KCNK2: variants seen among roughly 807,000 people sequenced by gnomAD.
KCNK2 encodes the protein potassium channel subfamily K member 2.
KCNK2 carries 21 observed loss-of-function variants against 40.5 expected under a neutral mutation model. The ratio of observed to expected loss-of-function variants is 0.52; its 90% CI spans 0.37 to 0.75. The LOEUF (loss-of-function observed/expected upper bound fraction) is 0.75. Ranked by LOEUF, KCNK2 falls within the 30% of genes least tolerant of loss-of-function variation. The pLI is 0.00. For missense variants in KCNK2, 399 were observed against 531.6 expected, an observed-to-expected ratio of 0.75 and a Z score of 2.45; for synonymous variants, 191 against 202.2, an observed-to-expected ratio of 0.94 and a Z score of 0.47.
chr1:215,007,161 GTATA>G (rs1192422828), intron 1 of KCNK2, among the ~76,000 whole-genome samples: 1 of 88,586 alleles, frequency 1.1e-5, no homozygotes, highest in Non-Finnish European at 2.2e-5. Flanking sequence ...ATATATGTAT[GTATA>G]TATATATGTA....
intron 6 of KCNK2, among the ~76,000 whole-genome samples, chr1:215,232,407 A>G (rs1417083744): frequency 6.6e-6 from 1 of 152,214 alleles, no homozygotes; most frequent in Non-Finnish European, 1.5e-5. Context: ...AGAGGCAGAA[A>G]GTAAGATTAG....
Position 215,083,088 on chromosome 1 carries a change from G to GCC in KCNK2, c.-298_-297insCC. On this transcript the variant is annotated 5_prime_UTR_variant, in exon 1 of 7. Transcript: ENST00000444842. ...TCCGGGTGACCCGGGCCCGGCAGCA[G>GCC]GCGCGCGCGGGGGCGGCGGCGCCCA... The GCC allele has an allele frequency of 2.3e-6, 1 of 439,108 alleles. No homozygotes were observed. Among genetic ancestry groups the GCC allele is most frequent in the Non-Finnish European group, 3.9e-6 (1 of 253,282 alleles). The allele number at this position is 439,108 out of a possible 1,614,324, so 27.2% of individuals were successfully genotyped here.
chr1:215,135,299 A>G (rs1011946749), intron 3 of KCNK2, among the ~76,000 whole-genome samples: 2 of 152,104 alleles, frequency 1.3e-5, no homozygotes, highest in Admixed American at 6.6e-5. Flanking sequence ...TCACAGTTCT[A>G]TTATCCTTAA....
At chr1:215,164,081 C>G (rs1324943150) in intron 3 of KCNK2, among the ~76,000 whole-genome samples, 1 of 152,152 alleles carries the variant, frequency 6.6e-6, no homozygotes, top group African/African-American at 2.4e-5. Flanking sequence ...CTATTAATCA[C>G]TGCCTCAATT....
At chr1:215,067,680 A>G (rs1332619657) in intron 1 of KCNK2, among the ~76,000 whole-genome samples, 2 of 152,094 alleles carry the variant, frequency 1.3e-5, no homozygotes, top group East Asian at 1.9e-4. Flanking sequence ...TCTGGCCAAC[A>G]TGGTGAAACC....
rs2102525815 is a variant in KCNK2, at chr1:215,083,179, C to A, written c.-207C>A. 9.0e-7 allele frequency: 1 copy of A among 1,117,200 alleles called. No homozygotes were observed. The highest frequency in any genetic ancestry group is 1.3e-6 in the Non-Finnish European group (1 of 772,574). 69.2% of individuals were successfully genotyped at this position (1,117,200 alleles called of 1,614,324 possible). On this transcript the variant is annotated 5_prime_UTR_variant, in exon 1 of 7. Coordinates refer to ENST00000444842, the MANE Select transcript of KCNK2 (RefSeq NM_001017425.3). ...CGGTGTCCCCTCCTTCCCGCGATTT[C>A]GTTTCTTCTCACGCTCCCCCCCCCG...
rs549117424 is a variant in KCNK2 at position 215,200,107 on chromosome 1, G to A, written c.963+5015G>A. 6.6e-5 allele frequency among the ~76,000 whole-genome samples: 10 copies of A among 152,262 alleles called. No homozygotes were observed. The South Asian group carries it at 1.2e-3, about 19-fold the overall frequency. ...TACCAATATCATTTCCTTAGTCTCCGGAGATGTTTATGCAAATAGAGGCTC... is the reference window on the plus strand; with the variant it reads ...TACCAATATCATTTCCTTAGTCTCCAGAGATGTTTATGCAAATAGAGGCTC... On this transcript the variant is annotated intron_variant, in intron 6 of 6. Transcript: ENST00000444842.
intron 1 of KCNK2, among the ~76,000 whole-genome samples, chr1:215,056,202 G>A (rs898815782): frequency 1.1e-4 from 16 of 150,858 alleles, no homozygotes; most frequent in Admixed American, 2.0e-4. Flanking sequence ...TAGCTACTCA[G>A]GAAGCTGAGG....
chr1:215,212,948 A>G (rs1332618726), intron 6 of KCNK2, among the ~76,000 whole-genome samples: 1 of 152,180 alleles, frequency 6.6e-6, no homozygotes, highest in Non-Finnish European at 1.5e-5. Context: ...TGGCACTTGA[A>G]TGCTAATGTG....
rs71556634 is a variant in KCNK2 at position 215,236,098 on chromosome 1, A to ATCTATCTATCT, written c.*953_*954insTCTATCTATCT. ...TATCTATCTATCTATCTATCTATCT[A>ATCTATCTATCT]AATGACCTGACAGAAGAAAACTGTT... On this transcript the variant is annotated 3_prime_UTR_variant, in exon 7 of 7. Transcript: ENST00000444842. 6.6e-6 allele frequency: 1 copy of ATCTATCTATCT among 151,068 alleles called. No individual in the cohort carries two copies. Among genetic ancestry groups the ATCTATCTATCT allele is most frequent in the African/African-American group, 2.5e-5 (1 of 40,578 alleles). The allele number at this position is 151,068 out of a possible 1,614,324, so 9.4% of individuals were successfully genotyped here.
At chr1:215,233,486 ACAC>A (rs1247356351) in intron 6 of KCNK2, among the ~76,000 whole-genome samples, 1 of 152,096 alleles carries the variant, frequency 6.6e-6, no homozygotes, top group Non-Finnish European at 1.5e-5. Context: ...GTACACACAC[ACAC>A]ATTTATATCT....
intron 1 of KCNK2, among the ~76,000 whole-genome samples, chr1:215,033,276 T>C (rs1489910889): frequency 6.6e-6 from 1 of 152,044 alleles, no homozygotes; most frequent in African/African-American, 2.4e-5. Context: ...TCTTACATGG[T>C]GTCTACTTCA....
intron 3 of KCNK2, among the ~76,000 whole-genome samples, chr1:215,158,766 A>T (rs953921030): frequency 6.6e-6 from 1 of 152,142 alleles, no homozygotes; most frequent in Admixed American, 6.5e-5. Context: ...GATAACTCAG[A>T]CGCCTGCCCT....
intron 6 of KCNK2, 110 bp downstream of exon 6, chr1:215,195,202 A>AAT: frequency 2.2e-6 from 2 of 895,096 alleles, no homozygotes; most frequent in Non-Finnish European, 3.2e-6. Context: ...TAAAATGTTA[A>AAT]TATTTTCTAT....
chr1:215,188,437 A>G lies in KCNK2; in HGVS notation c.824-6516A>G, dbSNP rs565047202. 2.0e-5 allele frequency among the ~76,000 whole-genome samples: 3 copies of G among 152,292 alleles called. No individual in the cohort carries two copies. In the East Asian group the frequency reaches 5.8e-4, roughly 29 times the overall value. ...CAGTCTTCTTGGAATTACATTTTCA[A>G]AGTCATTATTGGAAATGTAATTTTT... is the stretch of plus-strand genomic sequence containing the variant. On this transcript the variant is annotated intron_variant, in intron 5 of 6. Coordinates refer to ENST00000444842, the MANE Select transcript of KCNK2 (RefSeq NM_001017425.3).
chr1:215,137,485 T>C (rs946589594), intron 3 of KCNK2, among the ~76,000 whole-genome samples: 44 of 152,142 alleles, frequency 2.9e-4, no homozygotes, highest in South Asian at 6.2e-4. Flanking sequence ...GCTGAAAATA[T>C]TTACTATCAG....
chr1:215,204,037 C>CA (rs71167813), intron 6 of KCNK2, among the ~76,000 whole-genome samples: 45,684 of 53,108 alleles, frequency 0.86, 21,415 homozygotes, highest in Non-Finnish European at 0.95. Context: ...GACTCCGTCT[C>CA]AAAAAAAAAA....
chr1:215,056,801 A>C (rs759281907), intron 1 of KCNK2, among the ~76,000 whole-genome samples: 1 of 152,050 alleles, frequency 6.6e-6, no homozygotes, highest in Non-Finnish European at 1.5e-5. Context: ...TAAAAAGTTC[A>C]GTCAGGCTGC....
rs1299164447 is a variant in KCNK2, at chr1:215,230,116, C to T, written c.964-4712C>T. On this transcript the variant is annotated intron_variant, in intron 6 of 6. Coordinates refer to ENST00000444842, the MANE Select transcript of KCNK2 (RefSeq NM_001017425.3). Reference sequence around the variant, plus strand: ...ATACACACACACACACACACACACACACACACACACACACGGTCATGCATT... The same window carrying T: ...ATACACACACACACACACACACACATACACACACACACACGGTCATGCATT... 1.4e-5 allele frequency among the ~76,000 whole-genome samples: 2 copies of T among 147,502 alleles called. 1 individual carries two copies. The highest frequency in any genetic ancestry group is 5.0e-5 in the African/African-American group (2 of 40,134).
Sources: allele counts gnomAD v4.1 joint callset (sites outside exome capture counted in the v4.1 genomes callset), GRCh38; gene constraint gnomAD v4.1.1; transcripts MANE v1.5; gene names NCBI Gene and HGNC (gene_info 2026-07-23, HGNC 2026-07-21).